Variants in CSNK1G2 observed in about 807,000 individuals in gnomAD.
CSNK1G2 encodes casein kinase I isoform gamma-2.
In CSNK1G2, 11 loss-of-function variants were observed where a neutral mutation model predicts 48.0. The ratio of observed to expected loss-of-function variants is 0.23; its 90% CI spans 0.14 to 0.38. CSNK1G2 has a LOEUF of 0.38. Ranked by LOEUF, CSNK1G2 falls within the 10% of genes least tolerant of loss-of-function variation. The pLI, the probability that CSNK1G2 is intolerant of heterozygous loss-of-function variation, is 1.00. For missense variants in CSNK1G2, 446 were observed against 595.5 expected (o/e 0.75, Z 2.61); for synonymous variants, 337 against 254.1 (o/e 1.33, Z -3.10).
rs921149332 is a variant in CSNK1G2, at chr19:1,951,327, C to T, written c.-266+9909C>T. 1.0e-4 allele frequency among the ~76,000 whole-genome samples: 15 copies of T among 144,454 alleles called. 1 individual carries two copies. Among genetic ancestry groups the T allele is most frequent in the East Asian group, 4.3e-4 (2 of 4,630 alleles). 94.8% of individuals were successfully genotyped at this position (144,454 alleles called of 152,430 possible). On this transcript the variant is annotated intron_variant, in intron 1 of 11. Coordinates refer to ENST00000255641, the MANE Select transcript of CSNK1G2 (RefSeq NM_001319.7). ...CTGAGGCAGGAGAATGGCGTGAACCCGGGAGGCGGAGCTTGCAGTGAGCCG... is the reference window on the plus strand; with the variant it reads ...CTGAGGCAGGAGAATGGCGTGAACCTGGGAGGCGGAGCTTGCAGTGAGCCG...
chr19:1,941,961 C>G (rs1411955044), intron 1 of CSNK1G2, among the ~76,000 whole-genome samples: 1 of 152,066 alleles, frequency 6.6e-6, no homozygotes, highest in Non-Finnish European at 1.5e-5. Context: ...CCCACCTGGC[C>G]CCATCGCCTC....
rs1035958951 is a variant in CSNK1G2 at position 1,978,050 on chromosome 19, G to T, written c.188-255G>T. On this transcript the variant is annotated intron_variant, in intron 2 of 11. Transcript: ENST00000255641. This position sits in a 1 kb window ranked among gnomAD's most constrained non-coding sequence, Gnocchi z 7.3. The stretch of plus-strand genomic sequence containing the variant: ...CGCTTCTGTCCTGGGCTAGGGAGGT[G>T]GGGGGGCGGGGGAGGAGGAGTGGCA... 6.6e-6 allele frequency among the ~76,000 whole-genome samples: 1 copy of T among 151,336 alleles called. No homozygotes were observed. The highest frequency in any genetic ancestry group is 6.6e-5 in the Admixed American group (1 of 15,262).
chr19:1,970,009 C>T (rs985623559), intron 2 of CSNK1G2, 50 bp downstream of exon 2: 16 of 1,280,322 alleles, frequency 1.2e-5, no homozygotes, highest in African/African-American at 4.5e-5. Flanking sequence ...CTGGCAGGGC[C>T]GCCCCGAGTC....
At chr19:1,961,190 G>A (rs1385300581) in intron 1 of CSNK1G2, among the ~76,000 whole-genome samples, 1 of 152,244 alleles carries the variant, frequency 6.6e-6, no homozygotes, top group African/African-American at 2.4e-5. Context: ...CCTGGCCGTC[G>A]CGGTTGTGGC....
chr19:1,968,423 C>T (rs905784194), intron 1 of CSNK1G2, among the ~76,000 whole-genome samples: 28 of 152,340 alleles, frequency 1.8e-4, no homozygotes, highest in Middle Eastern at 3.4e-3. Flanking sequence ...TGCCTCCCGT[C>T]GGGGCCTGCG....
chr19:1,944,637 C>G (rs896134488), intron 1 of CSNK1G2, among the ~76,000 whole-genome samples: 1 of 149,664 alleles, frequency 6.7e-6, no homozygotes, highest in African/African-American at 2.5e-5. Context: ...CTGTGACTGG[C>G]ACGTGGGTGC....
At chr19:1,942,656 C>G (rs1478261173) in intron 1 of CSNK1G2, 4 of 152,258 alleles carry the variant, frequency 2.6e-5, no homozygotes. Context: ...GCCGTCCCGC[C>G]ACGGGAAGGC....
chr19:1,947,015 C>T (rs140190970), intron 1 of CSNK1G2, among the ~76,000 whole-genome samples: 3 of 151,104 alleles, frequency 2.0e-5, no homozygotes, highest in African/African-American at 7.3e-5. Flanking sequence ...CAGCCTCCCT[C>T]ATAGCTGGGA....
At chr19:1,952,694 C>T (rs950149735) in intron 1 of CSNK1G2, 5 of 254,524 alleles carry the variant, frequency 2.0e-5, no homozygotes, top group Non-Finnish European at 4.0e-5. Flanking sequence ...CTCTGAGGGT[C>T]ATGCGCCTAG....
rs973062977 is a variant in CSNK1G2, at chr19:1,957,361, C to G, written c.-265-12147C>G. Among the ~76,000 whole-genome samples, 4 of 152,196 alleles carry G rather than the reference C, an allele frequency of 2.6e-5. No homozygotes were observed. The highest frequency in any genetic ancestry group is 9.7e-5 in the African/African-American group (4 of 41,450). The stretch of plus-strand genomic sequence containing the variant: ...GTGGGCACCACAGACGAAAGTGGAG[C>G]CGGGGGAGAGATGTCCCGGGATGCA... On this transcript the variant is annotated intron_variant, in intron 1 of 11. Transcript: ENST00000255641. The surrounding 1 kb of genome is among the most constrained non-coding windows in gnomAD (Gnocchi z 5.4).
At chr19:1,949,705 C>T (rs1202942472) in intron 1 of CSNK1G2, among the ~76,000 whole-genome samples, 2 of 152,252 alleles carry the variant, frequency 1.3e-5, no homozygotes, top group Admixed American at 6.5e-5. Flanking sequence ...CCATCCATAC[C>T]TGCACTGTTT....
In CSNK1G2 at chr19:1,957,363, G is replaced by A. The variant is rs538649724; in HGVS notation, c.-265-12145G>A. Reference sequence around the variant, plus strand: ...GGGCACCACAGACGAAAGTGGAGCCGGGGGAGAGATGTCCCGGGATGCACC... The same window carrying A: ...GGGCACCACAGACGAAAGTGGAGCCAGGGGAGAGATGTCCCGGGATGCACC... On this transcript the variant is annotated intron_variant, in intron 1 of 11. Transcript: ENST00000255641. The surrounding 1 kb of genome is among the most constrained non-coding windows in gnomAD (Gnocchi z 5.4). 6.6e-5 allele frequency among the ~76,000 whole-genome samples: 10 copies of A among 152,312 alleles called. No homozygotes were observed. Among genetic ancestry groups the A allele is most frequent in the African/African-American group, 2.2e-4 (9 of 41,562 alleles).
chr19:1,944,817 G>C (rs1171200247), intron 1 of CSNK1G2, among the ~76,000 whole-genome samples: 1 of 152,204 alleles, frequency 6.6e-6, no homozygotes, highest in African/African-American at 2.4e-5. Flanking sequence ...TTGAGTGAGG[G>C]GTGGGGCCTG....
At chr19:1,973,703 TTTGA>T (rs1308562868) in intron 2 of CSNK1G2, among the ~76,000 whole-genome samples, 5 of 152,214 alleles carry the variant, frequency 3.3e-5, no homozygotes, top group African/African-American at 1.2e-4. Context: ...GTGGTGAATC[TTTGA>T]TTGCTTAGTG....
At position 1,978,105 on chromosome 19, in the gene CSNK1G2, G is replaced by T. The variant is rs536829920; in HGVS notation, c.188-200G>T. Among the ~76,000 whole-genome samples, 11 of 152,238 alleles carry T rather than the reference G, an allele frequency of 7.2e-5. No homozygotes were observed. The East Asian group carries it at 2.1e-3, about 29-fold the overall frequency. On this transcript the variant is annotated intron_variant, in intron 2 of 11. Coordinates refer to ENST00000255641, the MANE Select transcript of CSNK1G2 (RefSeq NM_001319.7). This position sits in a 1 kb window ranked among gnomAD's most constrained non-coding sequence, Gnocchi z 7.3. ...CTGAGGCGGTGACCACACGGGCAGGGTGCAGGTGTCGGGATGACTTGGCAG... is the reference window on the plus strand; with the variant it reads ...CTGAGGCGGTGACCACACGGGCAGGTTGCAGGTGTCGGGATGACTTGGCAG...
chr19:1,965,948 C>T (rs1286562207), intron 1 of CSNK1G2, among the ~76,000 whole-genome samples: 1 of 152,134 alleles, frequency 6.6e-6, no homozygotes, highest in Non-Finnish European at 1.5e-5. Context: ...AGGTGCGCAC[C>T]GCCATGACTG....
rs950481272 is a variant in CSNK1G2 at position 1,970,077 on chromosome 19, A to G, written c.187+118A>G. The G allele has an allele frequency of 9.4e-6, 7 of 744,784 alleles. No individual in the cohort carries two copies. In the Admixed American group the frequency reaches 1.3e-4, roughly 14 times the overall value. The allele number at this position is 744,784 out of a possible 1,614,324, so 46.1% of individuals were successfully genotyped here. A position where few individuals can be genotyped will look rare whatever the true frequency, so the allele number is the denominator to read the frequency against. ...CTGGAGCCTCTGGCGGGGCCGCCCCATGTCACTGGCAGGTGCGTTGAATCA... is the reference window on the plus strand; with the variant it reads ...CTGGAGCCTCTGGCGGGGCCGCCCCGTGTCACTGGCAGGTGCGTTGAATCA... On this transcript the variant is annotated intron_variant, in intron 2 of 11. Coordinates refer to ENST00000255641, the MANE Select transcript of CSNK1G2 (RefSeq NM_001319.7).
intron 1 of CSNK1G2, among the ~76,000 whole-genome samples, chr19:1,943,818 C>A (rs985599770): frequency 6.6e-6 from 1 of 152,196 alleles, no homozygotes. Context: ...TTCTGCACCC[C>A]CCACCGAGCT....
intron 1 of CSNK1G2, among the ~76,000 whole-genome samples, chr19:1,944,150 G>C (rs996691403): frequency 1.3e-5 from 2 of 152,138 alleles, no homozygotes; most frequent in Non-Finnish European, 2.9e-5. Context: ...CTCGGTGGCC[G>C]TGCGCGTGTT....
Sources: gnomAD v4.1 joint callset for allele counts (sites outside exome capture counted in the v4.1 genomes callset) on GRCh38, gnomAD v4.1.1 for gene constraint, Gnocchi (gnomAD v3.1) non-coding constraint, MANE v1.5 for transcripts, NCBI Gene and HGNC (gene_info 2026-07-23, HGNC 2026-07-21) for gene names.